Variants in PTPRU observed in about 807,000 individuals in gnomAD.
PTPRU encodes the protein protein tyrosine phosphatase receptor type U.
Under a neutral mutation model 166.3 loss-of-function variants are expected in PTPRU, and 69 were observed. That is an observed-to-expected ratio of 0.41 (90% CI 0.34 to 0.51). The LOEUF (loss-of-function observed/expected upper bound fraction) is 0.51, where lower values mean the gene tolerates loss of function less well. Ranked by LOEUF, PTPRU falls within the 20% of genes least tolerant of loss-of-function variation. The pLI, the probability that PTPRU is intolerant of heterozygous loss-of-function variation, is 0.09. For missense variants in PTPRU, 1,657 were observed against 2,013.7 expected (o/e 0.82, Z 3.39); for synonymous variants, 793 against 814.0 (o/e 0.97, Z 0.44).
intron 15 of PTPRU, among the ~76,000 whole-genome samples, chr1:29,293,765 C>A (rs143894249): frequency 6.6e-6 from 1 of 152,172 alleles, no homozygotes; most frequent in Non-Finnish European, 1.5e-5. Context: ...TGAGCCACTG[C>A]GCCCGGACTT....
chr1:29,247,429 T>C (rs1002817006), intron 1 of PTPRU, among the ~76,000 whole-genome samples: 9 of 152,224 alleles, frequency 5.9e-5, no homozygotes, highest in African/African-American at 9.6e-5. Flanking sequence ...GTCTCTACAC[T>C]GCAAAGCTGC....
At chr1:29,240,999 C>T (rs1320511448) in intron 1 of PTPRU, among the ~76,000 whole-genome samples, 1 of 152,084 alleles carries the variant, frequency 6.6e-6, no homozygotes, top group Non-Finnish European at 1.5e-5. Flanking sequence ...GAGGTGTGTG[C>T]AGATGTGACT....
chr1:29,308,566 CAAAAAA>C (rs754278193), intron 18 of PTPRU, among the ~76,000 whole-genome samples: 2 of 79,638 alleles, frequency 2.5e-5, no homozygotes, highest in Non-Finnish European at 4.4e-5. Flanking sequence ...GTCCCTGTCT[CAAAAAA>C]AAAAAAAAAA....
At chr1:29,306,712 G>A (rs182749332) in intron 18 of PTPRU, among the ~76,000 whole-genome samples, 191 of 152,312 alleles carry the variant, frequency 1.3e-3, no homozygotes, top group Middle Eastern at 3.4e-3. Context: ...GCACAGGTCT[G>A]GGAGCCGAGG....
At chr1:29,248,626 A>T (rs1438766100) in intron 1 of PTPRU, among the ~76,000 whole-genome samples, 1 of 152,084 alleles carries the variant, frequency 6.6e-6, no homozygotes, top group Non-Finnish European at 1.5e-5. Flanking sequence ...GTGTCTTCAG[A>T]AAATACTGGT....
In PTPRU at chr1:29,304,061, G is replaced by T. The variant is rs368311896; in HGVS notation, c.2667+16G>T. 6.3e-6 allele frequency: 10 copies of T among 1,592,724 alleles called. No homozygotes were observed. The highest frequency in any genetic ancestry group is 7.7e-6 in the Non-Finnish European group (9 of 1,164,940). ...GGAGTATGAGGTGCACGCCGGCCCC[G>T]GGCCAGCAGGATCCCTGCAGAGGCC... On this transcript the variant is annotated intron_variant, in intron 16 of 29. Coordinates refer to ENST00000373779, the MANE Select transcript of PTPRU (RefSeq NM_133178.4).
At position 29,305,373 on chromosome 1, in the gene PTPRU, T is replaced by C; in HGVS notation, c.2765T>C (p.Leu922Pro). 1 of 1,614,016 alleles carries C rather than the reference T, an allele frequency of 6.2e-7. No individual in the cohort carries two copies. The highest frequency in any genetic ancestry group is 8.5e-7 in the Non-Finnish European group (1 of 1,180,044). The change falls in exon 18 of 30, where the codon CTG (leucine) becomes CCG (proline). Residue 922 changes from leucine to proline, a missense_variant. Physicochemically the swap from Leu to Pro is moderately conservative, Grantham distance 98 (BLOSUM62 -3). Around this residue, in one of 3 missense-constraint regions of PTPRU, gnomAD observed 1,190 missense variants for 1,477.4 expected, o/e 0.81. Coordinates refer to ENST00000373779, the MANE Select transcript of PTPRU (RefSeq NM_133178.4). ...ACAGATGATCGGCACCGAGTGAAAC[T>C]GCACCCGATGCTGGGAGACCCCAAT... ...MPAYDRHRVK[L>P]HPMLGDPNAD...
In PTPRU at chr1:29,325,668, C is replaced by G; in HGVS notation, c.*7C>G. On this transcript the variant is annotated 3_prime_UTR_variant, in exon 30 of 30. Transcript: ENST00000373779. ...GGGGCTGGAGTCAAGATAGCGGGGC[C>G]CTGGCCTGGGGCACCCACTGCACAC... is the stretch of plus-strand genomic sequence containing the variant. 6.3e-7 allele frequency: 1 copy of G among 1,599,802 alleles called. No homozygotes were observed. Among genetic ancestry groups the G allele is most frequent in the Non-Finnish European group, 8.5e-7 (1 of 1,171,944 alleles).
In PTPRU at chr1:29,260,095, G is replaced by T; in HGVS notation, c.850+51G>T. ...CCGGGACCTCACCCTCGAGGGGCGG[G>T]GCCGGCGACGGGGGCGGGCTCTGCC... is the stretch of plus-strand genomic sequence containing the variant. On this transcript the variant is annotated intron_variant, in intron 6 of 29. Coordinates refer to ENST00000373779, the MANE Select transcript of PTPRU (RefSeq NM_133178.4). This position sits in a 1 kb window ranked among gnomAD's most constrained non-coding sequence, Gnocchi z 8.3. The T allele has an allele frequency of 7.4e-7, 1 of 1,353,726 alleles. No individual in the cohort carries two copies. The highest frequency in any genetic ancestry group is 9.5e-7 in the Non-Finnish European group (1 of 1,057,674). The allele number at this position is 1,353,726 out of a possible 1,614,324, so 83.9% of individuals were successfully genotyped here. A position where few individuals can be genotyped will look rare whatever the true frequency, so the allele number is the denominator to read the frequency against.
chr1:29,315,910 C>T lies in PTPRU; in HGVS notation c.3364-92C>T. Reference sequence around the variant, plus strand: ...ATGGTTGGCCTCCACCTCAGGACACCCTGCTTCAACCTTGAGCTTGCTTAA... The same window carrying T: ...ATGGTTGGCCTCCACCTCAGGACACTCTGCTTCAACCTTGAGCTTGCTTAA... On this transcript the variant is annotated intron_variant, in intron 23 of 29. Coordinates refer to ENST00000373779, the MANE Select transcript of PTPRU (RefSeq NM_133178.4). The surrounding 1 kb of genome is among the most constrained non-coding windows in gnomAD (Gnocchi z 4.5). The T allele has an allele frequency of 2.7e-6, 4 of 1,481,368 alleles. No homozygotes were observed. Among genetic ancestry groups the T allele is most frequent in the Non-Finnish European group, 3.7e-6 (4 of 1,091,162 alleles). The allele number at this position is 1,481,368 out of a possible 1,614,324, so 91.8% of individuals were successfully genotyped here. A position where few individuals can be genotyped will look rare whatever the true frequency, so the allele number is the denominator to read the frequency against.
chr1:29,293,878 T>G (rs1287040592), intron 15 of PTPRU, among the ~76,000 whole-genome samples: 1 of 152,254 alleles, frequency 6.6e-6, no homozygotes, highest in Non-Finnish European at 1.5e-5. Context: ...ACTACTTAAC[T>G]CCACATCATA....
chr1:29,287,065 ATAAC>A (rs909102366), intron 14 of PTPRU, among the ~76,000 whole-genome samples: 4 of 152,120 alleles, frequency 2.6e-5, no homozygotes, highest in Non-Finnish European at 4.4e-5. Flanking sequence ...GGGTGCCAAC[ATAAC>A]TAACAAGAGT....
intron 2 of PTPRU, among the ~76,000 whole-genome samples, chr1:29,255,667 T>C (rs1029310446): frequency 4.6e-5 from 7 of 152,198 alleles, no homozygotes; most frequent in Non-Finnish European, 8.8e-5. Flanking sequence ...CCTTGCTGCC[T>C]AGCTCAGGAT....
intron 1 of PTPRU, among the ~76,000 whole-genome samples, chr1:29,249,349 T>C (rs926362564): frequency 6.6e-6 from 1 of 152,160 alleles, no homozygotes; most frequent in Non-Finnish European, 1.5e-5. Context: ...CTTCCCAAAT[T>C]GTGGCTGACG....
intron 15 of PTPRU, among the ~76,000 whole-genome samples, chr1:29,300,570 C>A (rs191755509): frequency 1.3e-5 from 2 of 152,274 alleles, no homozygotes; most frequent in African/African-American, 4.8e-5. Context: ...TCTCTTTGGA[C>A]CTCAGTTTCC....
chr1:29,313,263 CT>C (rs1265623293), intron 22 of PTPRU, among the ~76,000 whole-genome samples: 1 of 152,142 alleles, frequency 6.6e-6, no homozygotes, highest in Non-Finnish European at 1.5e-5. Flanking sequence ...CTGTCTCCCC[CT>C]GGAGAGCGTA....
chr1:29,285,974 C>T (rs1027398654), intron 14 of PTPRU, among the ~76,000 whole-genome samples: 3 of 152,246 alleles, frequency 2.0e-5, no homozygotes, highest in Non-Finnish European at 4.4e-5. Flanking sequence ...CCCTTCCCCA[C>T]CTGGGCTCTG....
chr1:29,320,658 C>G lies in PTPRU; in HGVS notation c.3688-27C>G, dbSNP rs1463136824. 4 of 1,548,194 alleles carry G rather than the reference C, an allele frequency of 2.6e-6. No individual in the cohort carries two copies. The East Asian group carries it at 9.3e-5, about 36-fold the overall frequency. ...CCCAGGCCAGGGGCCGGGAACAGGG[C>G]CCTGCTGAGTTCCGGTTTCCCTGCA... On this transcript the variant is annotated intron_variant, in intron 25 of 29. Coordinates refer to ENST00000373779, the MANE Select transcript of PTPRU (RefSeq NM_133178.4). The surrounding 1 kb of genome is among the most constrained non-coding windows in gnomAD (Gnocchi z 5.2).
rs1683847651 is a variant in PTPRU, at chr1:29,237,863, G to C, written c.73+1146G>C. Among the ~76,000 whole-genome samples the C allele has an allele frequency of 6.8e-6, 1 of 146,216 alleles. No individual in the cohort carries two copies. The highest frequency in any genetic ancestry group is 1.5e-5 in the Non-Finnish European group (1 of 65,766). ...CTCCTGCGGTGGCCGGGCCGCGGCT[G>C]CGCCCCGGGCGGCCGGGCGGGGGCT... On this transcript the variant is annotated intron_variant, in intron 1 of 29. Coordinates refer to ENST00000373779, the MANE Select transcript of PTPRU (RefSeq NM_133178.4). The surrounding 1 kb of genome is among the most constrained non-coding windows in gnomAD (Gnocchi z 6.4).
Sources: gnomAD v4.1 joint callset for allele counts (sites outside exome capture counted in the v4.1 genomes callset) on GRCh38, gnomAD v4.1.1 for gene constraint, gnomAD v4.1.1 regional missense constraint, Gnocchi (gnomAD v3.1) non-coding constraint, MANE v1.5 for transcripts, NCBI Gene and HGNC (gene_info 2026-07-23, HGNC 2026-07-21) for gene names.